The following AP1M1 variants were observed in gnomAD, a reference collection of about 807,000 sequenced individuals.
AP1M1 encodes AP-1 complex subunit mu-1.
In AP1M1, 18 loss-of-function variants were observed where a neutral mutation model predicts 57.1. That is an observed-to-expected ratio of 0.32 (90% CI 0.22 to 0.47). The LOEUF (loss-of-function observed/expected upper bound fraction) is 0.47, where lower values mean the gene tolerates loss of function less well. Among genes scored for constraint, AP1M1 ranks in the 20% least tolerant of loss-of-function variants. The pLI, the probability that AP1M1 is intolerant of heterozygous loss-of-function variation, is 1.00. For synonymous variants in AP1M1, 241 were observed against 237.9 expected, an observed-to-expected ratio of 1.01 and a Z score of -0.12; for missense variants, 362 against 593.5, an observed-to-expected ratio of 0.61 and a Z score of 4.05.
chr19:16,224,759 A>G (rs922526672), intron 5 of AP1M1, among the ~76,000 whole-genome samples: 1 of 152,104 alleles, frequency 6.6e-6, no homozygotes, highest in Non-Finnish European at 1.5e-5. Context: ...GCAGCACCCA[A>G]GGGGAATTAG....
chr19:16,210,987 A>G (rs1030294836), intron 5 of AP1M1, among the ~76,000 whole-genome samples: 5 of 152,056 alleles, frequency 3.3e-5, no homozygotes, highest in African/African-American at 1.2e-4. Flanking sequence ...TTATTTTCAT[A>G]TAGTTGAGCC....
At chr19:16,201,602 T>G (rs1412292677) in intron 1 of AP1M1, among the ~76,000 whole-genome samples, 2 of 152,074 alleles carry the variant, frequency 1.3e-5, no homozygotes, top group Non-Finnish European at 2.9e-5. Context: ...TTCACCATAT[T>G]GGTCAGGCTG....
intron 5 of AP1M1, among the ~76,000 whole-genome samples, chr19:16,218,711 C>A (rs946623067): frequency 1.3e-5 from 2 of 152,294 alleles, no homozygotes; most frequent in South Asian, 4.1e-4. Flanking sequence ...TCTAGGCAGT[C>A]TTTAAACAGC....
rs955198382 is a variant in AP1M1 at position 16,206,678 on chromosome 19, A to G, written c.267+270A>G. Among the ~76,000 whole-genome samples, 2 of 152,172 alleles carry G rather than the reference A, an allele frequency of 1.3e-5. No individual in the cohort carries two copies. The highest frequency in any genetic ancestry group is 4.8e-5 in the African/African-American group (2 of 41,450). ...GGGGTGCCCTGACCCTGGAAGGGAC[A>G]AGCAGGGGTCAGCGAGCTTTGGAAG... On this transcript the variant is annotated intron_variant, in intron 3 of 11. Transcript: ENST00000291439. This position sits in a 1 kb window ranked among gnomAD's most constrained non-coding sequence, Gnocchi z 4.3.
Position 16,207,647 on chromosome 19 carries a change from A to G in AP1M1, c.268-372A>G, listed in dbSNP as rs2091474862. 6.6e-6 allele frequency among the ~76,000 whole-genome samples: 1 copy of G among 152,178 alleles called. No homozygotes were observed. Among genetic ancestry groups the G allele is most frequent in the Non-Finnish European group, 1.5e-5 (1 of 68,020 alleles). On this transcript the variant is annotated intron_variant, in intron 3 of 11. Transcript: ENST00000291439. This position sits in a 1 kb window ranked among gnomAD's most constrained non-coding sequence, Gnocchi z 4.2. ...GGAAGATGCATCAAGCTTTCCACTG[A>G]AATGGGGAAGATGGCAGCTCATCAG...
Position 16,219,088 on chromosome 19 carries a change from G to A in AP1M1, c.547-7333G>A, listed in dbSNP as rs545873821. Among the ~76,000 whole-genome samples the A allele has an allele frequency of 2.7e-5, 4 of 149,274 alleles. No homozygotes were observed. In the East Asian group the frequency reaches 5.8e-4, roughly 22 times the overall value. On this transcript the variant is annotated intron_variant, in intron 5 of 11. Transcript: ENST00000291439. Reference sequence around the variant, plus strand: ...AGTTTTTTTTTTTTTTTAATCATGCGTGGGTGTTGTATTTTCTTCAGTTCT... The same window carrying A: ...AGTTTTTTTTTTTTTTTAATCATGCATGGGTGTTGTATTTTCTTCAGTTCT...
At chr19:16,230,398 G>A (rs922347324) in intron 9 of AP1M1, among the ~76,000 whole-genome samples, 19 of 127,704 alleles carry the variant, frequency 1.5e-4, no homozygotes, top group African/African-American at 5.2e-4. Context: ...TACAGTATAC[G>A]GTAACCTTTT....
In AP1M1 at chr19:16,227,579, T is replaced by C; in HGVS notation, c.705T>C (p.Asp235=). 1.2e-6 allele frequency: 2 copies of C among 1,614,022 alleles called. No individual in the cohort carries two copies. The highest frequency in any genetic ancestry group is 1.7e-6 in the Non-Finnish European group (2 of 1,179,916). The part of the protein sequence containing the change: ...RGKSKSVELE[D]VKFHQCVRLS... ...AAAGCAAATCCGTGGAGCTGGAGGA[T>C]GTGAAGTTCCACCAGTGTGTGCGGC... is the stretch of plus-strand genomic sequence containing the variant. The change falls in exon 7 of 12, where the codon GAT becomes GAC. Residue 235 remains aspartate, a synonymous_variant. Transcript: ENST00000291439. The surrounding 1 kb of genome is among the most constrained non-coding windows in gnomAD (Gnocchi z 6.2).
Position 16,245,708 on chromosome 19 carries a change from T to A in AP1M1, c.*11273T>A, listed in dbSNP as rs1416213585. 4 of 152,186 alleles carry A rather than the reference T, an allele frequency of 2.6e-5. No individual in the cohort carries two copies. The highest frequency in any genetic ancestry group is 6.6e-5 in the Admixed American group (1 of 15,256). The allele number at this position is 152,186 out of a possible 1,614,324, so 9.4% of individuals were successfully genotyped here. ...CCTTTACATTTAATGTAATAACTGA[T>A]ATTACATTTAAGTATAAATTTAAAT... On this transcript the variant is annotated 3_prime_UTR_variant, in exon 12 of 12. Transcript: ENST00000291439.
rs1555726669 is a variant in AP1M1, at chr19:16,244,897, G to GTTGTT, written c.*10463_*10467dup. ...AAATTTGTTGTTTGTTGTTGTTGTT[G>GTTGTT]TTGTTGTTGTTGTTGTTGAGACGGA... On this transcript the variant is annotated 3_prime_UTR_variant, in exon 12 of 12. Coordinates refer to ENST00000291439, the MANE Select transcript of AP1M1 (RefSeq NM_032493.4). The GTTGTT allele has an allele frequency of 6.6e-6, 1 of 152,276 alleles. No individual in the cohort carries two copies. The highest frequency in any genetic ancestry group is 1.5e-5 in the Non-Finnish European group (1 of 68,226). 9.4% of individuals were successfully genotyped at this position (152,276 alleles called of 1,614,324 possible). A position where few individuals can be genotyped will look rare whatever the true frequency, so the allele number is the denominator to read the frequency against.
intron 9 of AP1M1, 80 bp downstream of exon 9, chr19:16,229,008 A>C (rs1368748678): frequency 4.6e-6 from 7 of 1,507,086 alleles, no homozygotes; most frequent in Non-Finnish European, 6.3e-6. Flanking sequence ...GACCCCCTGC[A>C]CCTCAAGATG....
rs1048707987 is a variant in AP1M1 at position 16,228,471 on chromosome 19, G to A, written c.888+263G>A. Among the ~76,000 whole-genome samples, 1 of 152,156 alleles carries A rather than the reference G, an allele frequency of 6.6e-6. No individual in the cohort carries two copies. The highest frequency in any genetic ancestry group is 1.5e-5 in the Non-Finnish European group (1 of 68,016). On this transcript the variant is annotated intron_variant, in intron 8 of 11. Transcript: ENST00000291439. The surrounding 1 kb of genome is among the most constrained non-coding windows in gnomAD (Gnocchi z 5.0). ...AGGTGGAGCACCTCTGCCCCTCAGC[G>A]ACCCTGTCCAGCGCAGCCTGGCCCT...
chr19:16,200,530 C>G (rs1048270414), intron 1 of AP1M1, among the ~76,000 whole-genome samples: 1 of 152,206 alleles, frequency 6.6e-6, no homozygotes, highest in East Asian at 1.9e-4. Flanking sequence ...TTCCCTTCCT[C>G]TGCAACCATG....
chr19:16,220,936 T>C (rs2091541505), intron 5 of AP1M1, among the ~76,000 whole-genome samples: 1 of 152,206 alleles, frequency 6.6e-6, no homozygotes, highest in African/African-American at 2.4e-5. Context: ...CTATAGGTGA[T>C]GTATTATTGT....
chr19:16,208,507 A>G (rs1267229842), intron 4 of AP1M1, among the ~76,000 whole-genome samples: 2 of 152,266 alleles, frequency 1.3e-5, no homozygotes, highest in East Asian at 3.9e-4. Flanking sequence ...AAGCAATGTG[A>G]ATTAAGTGCT....
At chr19:16,202,225 G>T (rs2091451663) in intron 1 of AP1M1, among the ~76,000 whole-genome samples, 2 of 152,198 alleles carry the variant, frequency 1.3e-5, no homozygotes, top group African/African-American at 2.4e-5. Context: ...TGAGGCAGGT[G>T]GTTCCCAGGA....
At chr19:16,201,388 CTTTTTTTTTTT>C (rs57467734) in intron 1 of AP1M1, among the ~76,000 whole-genome samples, 4 of 62,374 alleles carry the variant, frequency 6.4e-5, no homozygotes, top group Admixed American at 3.9e-4. Context: ...GGGAGGATTT[CTTTTTTTTTTT>C]TTTTTTTTTT....
At position 16,228,032 on chromosome 19, in the gene AP1M1, A is replaced by C; in HGVS notation, c.817-105A>C. 1 of 1,211,022 alleles carries C rather than the reference A, an allele frequency of 8.3e-7. No individual in the cohort carries two copies. Among genetic ancestry groups the C allele is most frequent in the South Asian group, 1.3e-5 (1 of 78,778 alleles). The allele number at this position is 1,211,022 out of a possible 1,614,324, so 75.0% of individuals were successfully genotyped here. The stretch of plus-strand genomic sequence containing the variant: ...ACGCTCCCTGCAGGGCTCTGGGCCC[A>C]CACCTGGGCAGATGGTCCCTTGCCC... On this transcript the variant is annotated intron_variant, in intron 7 of 11. Transcript: ENST00000291439. The surrounding 1 kb of genome is among the most constrained non-coding windows in gnomAD (Gnocchi z 5.0).
Position 16,230,125 on chromosome 19 carries a change from C to T in AP1M1, c.1047+1197C>T, listed in dbSNP as rs895215200. Among the ~76,000 whole-genome samples, 12 of 152,324 alleles carry T rather than the reference C, an allele frequency of 7.9e-5. No homozygotes were observed. In the South Asian group the frequency reaches 1.9e-3, roughly 24 times the overall value. On this transcript the variant is annotated intron_variant, in intron 9 of 11. Coordinates refer to ENST00000291439, the MANE Select transcript of AP1M1 (RefSeq NM_032493.4). The stretch of plus-strand genomic sequence containing the variant: ...GGCTAAGGGCCGAGACACAGGCTGG[C>T]GTGGACTGTGCTTGTGTAGATTTTA...
Sources: allele counts gnomAD v4.1 joint callset (sites outside exome capture counted in the v4.1 genomes callset), GRCh38; gene constraint gnomAD v4.1.1; non-coding constraint Gnocchi (gnomAD v3.1); transcripts MANE v1.5; gene names NCBI Gene and HGNC (gene_info 2026-07-23, HGNC 2026-07-21).